The following SMCO2 variants were observed in gnomAD, a reference collection of about 807,000 sequenced individuals.
The protein encoded by SMCO2 is single-pass membrane and coiled-coil domain-containing protein 2.
SMCO2 carries 25 observed loss-of-function variants against 29.5 expected under a neutral mutation model. The observed-to-expected ratio is 0.85, with a 90% confidence interval of 0.62 to 1.18. The LOEUF (loss-of-function observed/expected upper bound fraction) is 1.18, where lower values mean the gene tolerates loss of function less well. SMCO2 is among the 50% of genes most tolerant of loss of function. The pLI is 0.00. For synonymous variants in SMCO2, 117 were observed against 123.3 expected (o/e 0.95, Z 0.34); for missense variants, 348 against 344.5 (o/e 1.01, Z -0.08).
chr12:27,473,638 AAAAT>A (rs1297629863), intron 3 of SMCO2, among the ~76,000 whole-genome samples: 2 of 152,230 alleles, frequency 1.3e-5, no homozygotes, highest in African/African-American at 4.8e-5. Context: ...TGTGAGAATG[AAAAT>A]AAATAATGCA....
the SMCO2 span, chr12:27,424,473 A>G: frequency 6.6e-6 from 1 of 152,248 alleles, no homozygotes; most frequent in Non-Finnish European, 1.5e-5. Flanking sequence ...AAAGTACAGA[A>G]TAGAGACTTT....
At chr12:27,495,796 G>T (rs1411077137) in exon 7 of SMCO2, 1 of 1,538,030 alleles carries the variant, frequency 6.5e-7, no homozygotes, top group African/African-American at 1.4e-5. Context: ...TGGAGGCCCT[G>T]CTTCCTCAGG....
At chr12:27,453,751 G>T in the SMCO2 span, among the ~76,000 whole-genome samples, 4,430 of 152,256 alleles carry the variant, frequency 0.029, 96 homozygotes, top group Non-Finnish European at 0.046. Flanking sequence ...CAGCAAATGT[G>T]GCACAAATCA....
chr12:27,464,136 G>GGAAA (rs1949479066), upstream of SMCO2, among the ~76,000 whole-genome samples: 1 of 152,216 alleles, frequency 6.6e-6, no homozygotes, highest in South Asian at 2.1e-4. Flanking sequence ...GGGAGCCTTA[G>GGAAA]GAAAGAGAGT....
chr12:27,454,998 C>T, the SMCO2 span, among the ~76,000 whole-genome samples: 5,220 of 152,220 alleles, frequency 0.034, 126 homozygotes, highest in Non-Finnish European at 0.054. Context: ...TTAATCAATT[C>T]CTATCGTTGA....
At chr12:27,463,363 C>A (rs1949472894), upstream of SMCO2, among the ~76,000 whole-genome samples, 1 of 152,138 alleles carries the variant, frequency 6.6e-6, no homozygotes, top group Non-Finnish European at 1.5e-5. Context: ...CTCCAGGGTT[C>A]AAGCAATTCT....
chr12:27,490,693 G>T (rs1949728097), intron 5 of SMCO2, among the ~76,000 whole-genome samples: 1 of 152,180 alleles, frequency 6.6e-6, no homozygotes, highest in Non-Finnish European at 1.5e-5. Context: ...ACTTTGGGAG[G>T]CCAAGGGAGG....
At chr12:27,470,482 C>T (rs766997776) in intron 1 of SMCO2, 140 bp from the exon 2 acceptor site, 1 of 905,752 alleles carries the variant, frequency 1.1e-6, no homozygotes, top group Non-Finnish European at 1.6e-6. Flanking sequence ...TTTTGGGGTC[C>T]TTTACGATGA....
At chr12:27,485,470 G>A (rs1278809914) in intron 4 of SMCO2, among the ~76,000 whole-genome samples, 1 of 127,026 alleles carries the variant, frequency 7.9e-6, no homozygotes, top group Non-Finnish European at 1.6e-5. Context: ...TTTTTTTTGA[G>A]ATAGAGTCTC....
chr12:27,498,867 A>G (rs997746877), intron 7 of SMCO2, among the ~76,000 whole-genome samples: 7 of 150,644 alleles, frequency 4.6e-5, no homozygotes, highest in Middle Eastern at 6.8e-3. Context: ...CGTAAATCAA[A>G]CCCACAATGA....
At chr12:27,491,705 T>G (rs78883348) in intron 5 of SMCO2, among the ~76,000 whole-genome samples, 10,663 of 150,120 alleles carry the variant, frequency 0.071, 595 homozygotes, top group African/African-American at 0.15. Context: ...TATATATATA[T>G]AGATCTTTTT....
At chr12:27,429,604 A>C in the SMCO2 span, among the ~76,000 whole-genome samples, 1 of 152,122 alleles carries the variant, frequency 6.6e-6, no homozygotes, top group African/African-American at 2.4e-5. Flanking sequence ...TTGTCACTTC[A>C]TGAATGGCCC....
At chr12:27,479,764 C>T (rs1949624793) in intron 4 of SMCO2, among the ~76,000 whole-genome samples, 1 of 152,152 alleles carries the variant, frequency 6.6e-6, no homozygotes, top group Non-Finnish European at 1.5e-5. Context: ...TCTTGCCTGC[C>T]ACCATGTAAG....
the SMCO2 span, among the ~76,000 whole-genome samples, chr12:27,441,791 A>G: frequency 6.6e-6 from 1 of 152,240 alleles, no homozygotes; most frequent in African/African-American, 2.4e-5. Context: ...TCATCAGCAC[A>G]TGGAATATTT....
intron 5 of SMCO2, among the ~76,000 whole-genome samples, chr12:27,489,151 C>T (rs1949714270): frequency 6.6e-6 from 1 of 152,064 alleles, no homozygotes; most frequent in South Asian, 2.1e-4. Flanking sequence ...CGGGTTCAAG[C>T]AATTCTCATG....
At chr12:27,478,443 G>T (rs1949609696) in intron 4 of SMCO2, among the ~76,000 whole-genome samples, 1 of 152,172 alleles carries the variant, frequency 6.6e-6, no homozygotes, top group African/African-American at 2.4e-5. Context: ...TGAGAAGGTG[G>T]GTCATCATGT....
intron 4 of SMCO2, 71 bp from the exon 5 acceptor site, chr12:27,475,511 A>G: frequency 6.9e-7 from 1 of 1,447,616 alleles, no homozygotes; most frequent in Non-Finnish European, 9.1e-7. Context: ...ATTCAAAGGA[A>G]GAGCATTTCA....
chr12:27,433,371 C>T, the SMCO2 span, among the ~76,000 whole-genome samples: 3 of 152,126 alleles, frequency 2.0e-5, no homozygotes, highest in Admixed American at 6.5e-5. Flanking sequence ...AGTCATTCCT[C>T]AGCTATGGAA....
At chr12:27,450,781 A>G in the SMCO2 span, among the ~76,000 whole-genome samples, 2 of 152,198 alleles carry the variant, frequency 1.3e-5, no homozygotes, top group African/African-American at 4.8e-5. Context: ...TTAAATAACA[A>G]TTCTATATTA....
Sources: gnomAD v4.1 joint callset for allele counts (sites outside exome capture counted in the v4.1 genomes callset) on GRCh38, gnomAD v4.1.1 for gene constraint, MANE v1.5 for transcripts, NCBI Gene and HGNC (gene_info 2026-07-23, HGNC 2026-07-21) for gene names.